RNASE10: variants seen among roughly 807,000 people sequenced by gnomAD.
RNASE10 encodes the protein ribonuclease A family member 10 (inactive).
A neutral mutation model predicts 1.1 loss-of-function variants in RNASE10; 2 were observed. That is an observed-to-expected ratio of 1.82 (90% CI 0.74 to 5.73). The LOEUF is 5.73. RNASE10 is among the 30% of genes most tolerant of loss of function. RNASE10 has a pLI of 0.05. For synonymous variants in RNASE10, 97 were observed against 96.2 expected, an observed-to-expected ratio of 1.01 and a Z score of -0.05; for missense variants, 276 against 263.4, an observed-to-expected ratio of 1.05 and a Z score of -0.33.
rs370802392 is a variant in RNASE10 at position 20,510,959 on chromosome 14, G to A, written c.572G>A (p.Gly191Glu). Residue 191 changes from glycine to glutamate, a missense_variant, in exon 2 of 2, where the codon GGG becomes GAG. Physicochemically the swap from Gly to Glu is moderately conservative, Grantham distance 98 (BLOSUM62 -2). Coordinates refer to ENST00000430083, the Ensembl canonical transcript of RNASE10. ...CCTGTCATTGCCTGTGAGCTCAAGGGGGGAAAATGTCACAAAAGCTCCCGA... is the reference window on the plus strand; with the variant it reads ...CCTGTCATTGCCTGTGAGCTCAAGGAGGGAAAATGTCACAAAAGCTCCCGA... 2.8e-5 allele frequency: 45 copies of A among 1,606,380 alleles called. No homozygotes were observed. In the African/African-American group the frequency reaches 4.3e-4, roughly 15 times the overall value.
In RNASE10 at chr14:20,505,727, G is replaced by A. The variant is rs546445935; in HGVS notation, c.-214G>A. On this transcript the variant is annotated 5_prime_UTR_variant, in exon 1 of 2. Coordinates refer to ENST00000430083, the Ensembl canonical transcript of RNASE10. ...AGTGCCGAGATTGCAGCCTCTGCCT[G>A]GCCGCCACCCCGTCTGGGAAGTGAG... 12 of 87,740 alleles carry A rather than the reference G, an allele frequency of 1.4e-4. 1 individual carries two copies. The highest frequency in any genetic ancestry group is 1.2e-3 in the East Asian group (5 of 4,034). The allele number at this position is 87,740 out of a possible 1,614,324, so 5.4% of individuals were successfully genotyped here.
chr14:20,508,542 C>A (rs772382579), intron 1 of RNASE10, among the ~76,000 whole-genome samples: 91 of 152,138 alleles, frequency 6.0e-4, no homozygotes, highest in Non-Finnish European at 9.6e-4. Flanking sequence ...TTCACATAAC[C>A]CTTATTTTAC....
At chr14:20,511,826 TG>T (rs944577727), downstream of RNASE10, among the ~76,000 whole-genome samples, 28 of 152,336 alleles carry the variant, frequency 1.8e-4, no homozygotes, top group African/African-American at 6.5e-4. Flanking sequence ...TTTTGTCCTT[TG>T]CTTCTTTTTC....
In RNASE10 at chr14:20,509,670, C is replaced by T. The variant is rs114169578; in HGVS notation, c.80-797C>T. Reference sequence around the variant, plus strand: ...TAATAGATATTTGAATAAGCAAAAGCAAATTTGGGTTAAAAATAAAGAGAT... The same window carrying T: ...TAATAGATATTTGAATAAGCAAAAGTAAATTTGGGTTAAAAATAAAGAGAT... On this transcript the variant is annotated intron_variant, in intron 1 of 1. Transcript: ENST00000430083. Among the ~76,000 whole-genome samples, 941 of 152,170 alleles carry T rather than the reference C, an allele frequency of 6.2e-3. 11 individuals carry two copies. Among genetic ancestry groups the T allele is most frequent in the African/African-American group, 0.021 (882 of 41,504 alleles).
chr14:20,506,652 T>A (rs1229436970), intron 1 of RNASE10, among the ~76,000 whole-genome samples: 1 of 89,462 alleles, frequency 1.1e-5, no homozygotes, highest in African/African-American at 5.4e-5. Flanking sequence ...AGCCGCCCAG[T>A]CCAGGAGGGA....
chr14:20,510,823 G>T lies in RNASE10; in HGVS notation c.436G>T (p.Glu146Ter). ...TCTTAGGCTTGACCAGACAGATAGA[G>T]AATGCAATGATATGATGGCACACAA... The change falls in exon 2 of 2, where the codon GAA (glutamate) becomes TAA (stop). Residue 146 changes from glutamate (E) to a stop codon, truncating the protein, a stop_gained. Transcript: ENST00000430083. LOFTEE classifies it low-confidence loss of function (END_TRUNC). 1 of 1,614,168 alleles carries T rather than the reference G, an allele frequency of 6.2e-7. No homozygotes were observed. The highest frequency in any genetic ancestry group is 8.5e-7 in the Non-Finnish European group (1 of 1,180,046).
exon 2 of RNASE10, chr14:20,510,562 A>T: frequency 2.5e-6 from 4 of 1,614,102 alleles, no homozygotes; most frequent in Non-Finnish European, 3.4e-6. Flanking sequence ...TCATATGGCT[A>T]CAGCAGTCTT....
At chr14:20,505,927 G>A (rs1276989859) in exon 1 of RNASE10, 10 of 114,838 alleles carry the variant, frequency 8.7e-5, no homozygotes, top group African/African-American at 1.6e-4. Flanking sequence ...CTGCCCGGCC[G>A]CCCATCGTCT....
upstream of RNASE10, among the ~76,000 whole-genome samples, chr14:20,504,892 G>A (rs923536056): frequency 6.6e-6 from 1 of 151,978 alleles, no homozygotes; most frequent in African/African-American, 2.4e-5. Flanking sequence ...AAGGACAGCA[G>A]CGGAGAGGAG....
downstream of RNASE10, among the ~76,000 whole-genome samples, chr14:20,512,801 T>A (rs551265841): frequency 6.6e-6 from 1 of 152,288 alleles, no homozygotes; most frequent in East Asian, 1.9e-4. Flanking sequence ...TGAAAGGTGA[T>A]GACCCAGCCA....
downstream of RNASE10, among the ~76,000 whole-genome samples, chr14:20,512,405 G>T (rs774516179): frequency 6.6e-6 from 1 of 152,162 alleles, no homozygotes; most frequent in East Asian, 1.9e-4. Flanking sequence ...TAGCTGTAAG[G>T]ATTCACCGTG....
At chr14:20,510,317 G>T (rs1322436644) in intron 1 of RNASE10, 150 bp from the exon 2 acceptor site, 26 of 1,182,976 alleles carry the variant, frequency 2.2e-5, no homozygotes, top group Non-Finnish European at 2.9e-5. Flanking sequence ...AATGGAAAGA[G>T]AAATCGCTGC....
chr14:20,509,849 G>A (rs1009657707), intron 1 of RNASE10, among the ~76,000 whole-genome samples: 30 of 151,418 alleles, frequency 2.0e-4, no homozygotes, highest in Non-Finnish European at 4.4e-5. Context: ...GATGTCAGGG[G>A]CATGGTGGCT....
downstream of RNASE10, among the ~76,000 whole-genome samples, chr14:20,511,539 A>G (rs981427947): frequency 2.6e-5 from 4 of 152,150 alleles, no homozygotes; most frequent in South Asian, 2.1e-4. Context: ...GCACAACTGC[A>G]CTTCTCTATT....
At chr14:20,508,142 A>G (rs907982023) in intron 1 of RNASE10, among the ~76,000 whole-genome samples, 1 of 152,188 alleles carries the variant, frequency 6.6e-6, no homozygotes, top group Non-Finnish European at 1.5e-5. Context: ...ATTTGAGAGT[A>G]TATTGCATAT....
At chr14:20,507,872 CT>C (rs1378938125) in intron 1 of RNASE10, among the ~76,000 whole-genome samples, 1 of 151,960 alleles carries the variant, frequency 6.6e-6, no homozygotes, top group Admixed American at 6.6e-5. Context: ...CTCAGCCTGC[CT>C]GGTAGCTGGA....
intron 1 of RNASE10, among the ~76,000 whole-genome samples, chr14:20,506,323 GC>G (rs1372844058): frequency 8.2e-6 from 1 of 122,328 alleles, no homozygotes; most frequent in African/African-American, 3.3e-5. Flanking sequence ...GGGGGGGTCA[GC>G]CCCCCGCCCG....
At chr14:20,510,181 G>A (rs1489132530) in intron 1 of RNASE10, among the ~76,000 whole-genome samples, 1 of 151,186 alleles carries the variant, frequency 6.6e-6, no homozygotes, top group African/African-American at 2.4e-5. Context: ...TTTCCCATAT[G>A]TAAATTACCT....
chr14:20,506,206 G>A lies in RNASE10; in HGVS notation c.79+187G>A, dbSNP rs376492850. Among the ~76,000 whole-genome samples, 8 of 119,940 alleles carry A rather than the reference G, an allele frequency of 6.7e-5. No individual in the cohort carries two copies. In the South Asian group the frequency reaches 2.4e-3, roughly 37 times the overall value. 78.7% of individuals were successfully genotyped at this position (119,940 alleles called of 152,430 possible). A position where few individuals can be genotyped will look rare whatever the true frequency, so the allele number is the denominator to read the frequency against. ...GTGGGGGGGGGTCAGCCCCCCGCCC[G>A]GCCAGCCGCCCCGTCCGGGAGGTGA... On this transcript the variant is annotated intron_variant, in intron 1 of 1. Coordinates refer to ENST00000430083, the Ensembl canonical transcript of RNASE10.
Sources: allele counts gnomAD v4.1 joint callset (sites outside exome capture counted in the v4.1 genomes callset), GRCh38; gene constraint gnomAD v4.1.1; transcripts MANE v1.5; gene names NCBI Gene and HGNC (gene_info 2026-07-23, HGNC 2026-07-21).